ABI1: variants seen among roughly 807,000 people sequenced by gnomAD.
ABI1 encodes the protein abl interactor 1.
Under a neutral mutation model 54.6 loss-of-function variants are expected in ABI1, and 14 were observed. The observed-to-expected ratio is 0.26, with a 90% CI of 0.17 to 0.40. The LOEUF (loss-of-function observed/expected upper bound fraction) is 0.40. Among genes scored for constraint, ABI1 ranks in the 10% least tolerant of loss-of-function variants. The pLI is 1.00. For missense variants in ABI1, 443 were observed against 598.3 expected, an observed-to-expected ratio of 0.74 and a Z score of 2.71; for synonymous variants, 194 against 209.3, an observed-to-expected ratio of 0.93 and a Z score of 0.63.
At chr10:26,821,426 A>G (rs982655720) in intron 2 of ABI1, among the ~76,000 whole-genome samples, 12 of 152,110 alleles carry the variant, frequency 7.9e-5, no homozygotes, top group African/African-American at 2.9e-4. Flanking sequence ...GATTAGTTTA[A>G]AAAAGAAAGA....
intron 2 of ABI1, among the ~76,000 whole-genome samples, chr10:26,784,186 C>T (rs1335372463): frequency 2.6e-5 from 4 of 152,220 alleles, no homozygotes; most frequent in Admixed American, 2.6e-4. Flanking sequence ...CCCTACCCCA[C>T]CACACAACTT....
chr10:26,783,888 G>A (rs1842427583), intron 2 of ABI1, among the ~76,000 whole-genome samples: 1 of 152,062 alleles, frequency 6.6e-6, no homozygotes, highest in Non-Finnish European at 1.5e-5. Flanking sequence ...TTAATAAAAG[G>A]GCCCTTTGTC....
chr10:26,772,528 T>C (rs1355412265), intron 3 of ABI1, among the ~76,000 whole-genome samples: 4 of 152,106 alleles, frequency 2.6e-5, no homozygotes, highest in African/African-American at 7.2e-5. Context: ...AAGAATTAGA[T>C]TGGGAATGAA....
chr10:26,811,558 AAC>A (rs2047228997), intron 2 of ABI1, among the ~76,000 whole-genome samples: 1 of 152,232 alleles, frequency 6.6e-6, no homozygotes, highest in Non-Finnish European at 1.5e-5. Context: ...TCAGTCTTAA[AAC>A]AGTAAAGCTG....
intron 1 of ABI1, among the ~76,000 whole-genome samples, chr10:26,834,091 G>A (rs947719959): frequency 5.3e-5 from 8 of 152,030 alleles, no homozygotes; most frequent in East Asian, 1.9e-4. Flanking sequence ...TTAGCCGGGC[G>A]TGGTGGTACA....
rs189301131 is a variant in ABI1 at position 26,817,810 on chromosome 10, C to T, written c.285+5328G>A. Among the ~76,000 whole-genome samples the T allele has an allele frequency of 2.1e-4, 32 of 152,228 alleles. 1 individual carries two copies. In the East Asian group the frequency reaches 5.8e-3, roughly 28 times the overall value. Reference sequence around the variant, plus strand: ...TCATCACCAGCAGAATAGAGCAACACTTCATGCTAAAGTATTCCAAGGGAA... The same window carrying T: ...TCATCACCAGCAGAATAGAGCAACATTTCATGCTAAAGTATTCCAAGGGAA... On this transcript the variant is annotated intron_variant, in intron 2 of 10. Transcript: ENST00000376140.
intron 1 of ABI1, among the ~76,000 whole-genome samples, chr10:26,852,110 T>C (rs560610405): frequency 6.6e-5 from 10 of 152,024 alleles, no homozygotes; most frequent in Non-Finnish European, 8.8e-5. Context: ...CTGGGGAACA[T>C]AGGAGACCCC....
intron 2 of ABI1, among the ~76,000 whole-genome samples, chr10:26,790,388 T>C (rs942885764): frequency 1.3e-5 from 2 of 152,212 alleles, no homozygotes; most frequent in African/African-American, 4.8e-5. Flanking sequence ...TGGTCAGTGA[T>C]GTTGAATTTT....
intron 2 of ABI1, among the ~76,000 whole-genome samples, chr10:26,793,748 T>C (rs1406568506): frequency 3.3e-5 from 5 of 152,232 alleles, no homozygotes; most frequent in Admixed American, 3.3e-4. Context: ...AATAGAACAT[T>C]AGATCACAGT....
intron 3 of ABI1, 94 bp downstream of exon 3, chr10:26,776,965 TAAAGAG>T (rs1247013260): frequency 9.0e-7 from 1 of 1,113,678 alleles, no homozygotes; most frequent in Non-Finnish European, 1.3e-6. Context: ...TGCCAGCTGC[TAAAGAG>T]AATCTATTAA....
chr10:26,842,424 T>C (rs1303249509), intron 1 of ABI1, among the ~76,000 whole-genome samples: 1 of 152,246 alleles, frequency 6.6e-6, no homozygotes, highest in Non-Finnish European at 1.5e-5. Flanking sequence ...AGCTTTTCAG[T>C]TTGACGTCAT....
At chr10:26,757,860 G>A (rs1564457719) in intron 8 of ABI1, among the ~76,000 whole-genome samples, 1 of 151,988 alleles carries the variant, frequency 6.6e-6, no homozygotes, top group Non-Finnish European at 1.5e-5. Flanking sequence ...CTGAGATCAG[G>A]AGTTCGAGAC....
chr10:26,811,778 A>G (rs921401488), intron 2 of ABI1, among the ~76,000 whole-genome samples: 1 of 137,198 alleles, frequency 7.3e-6, no homozygotes, highest in African/African-American at 2.5e-5. Flanking sequence ...AATTTGTATA[A>G]ATTTATGCAA....
intron 1 of ABI1, among the ~76,000 whole-genome samples, chr10:26,849,837 A>T (rs139516369): frequency 5.4e-4 from 83 of 152,354 alleles, no homozygotes; most frequent in African/African-American, 2.0e-3. Flanking sequence ...TTGTATAATG[A>T]AATGTGTCAA....
intron 8 of ABI1, among the ~76,000 whole-genome samples, chr10:26,757,941 G>A (rs556807486): frequency 8.4e-4 from 127 of 151,618 alleles, no homozygotes; most frequent in African/African-American, 2.8e-3. Context: ...AGTGGCAGGC[G>A]CCTGTAATCC....
intron 1 of ABI1, among the ~76,000 whole-genome samples, chr10:26,835,519 A>G (rs10829081): frequency 0.26 from 39,787 of 151,750 alleles, 6,010 homozygotes; most frequent in South Asian, 0.44. Context: ...AGGCTGCAGT[A>G]AGCCATGATC....
chr10:26,822,800 C>CA (rs1406469538), intron 2 of ABI1, among the ~76,000 whole-genome samples: 6 of 151,950 alleles, frequency 3.9e-5, no homozygotes, highest in African/African-American at 1.4e-4. Context: ...ACATGTGTGT[C>CA]AAAACTTATA....
At chr10:26,783,920 A>G (rs1842433186) in intron 2 of ABI1, among the ~76,000 whole-genome samples, 1 of 152,130 alleles carries the variant, frequency 6.6e-6, no homozygotes, top group African/African-American at 2.4e-5. Flanking sequence ...TGGCCCTTCC[A>G]GACAAAAGGT....
chr10:26,850,820 G>A (rs997553377), intron 1 of ABI1, among the ~76,000 whole-genome samples: 7 of 152,090 alleles, frequency 4.6e-5, no homozygotes, highest in Non-Finnish European at 7.3e-5. Flanking sequence ...TAGGTTATTA[G>A]ATATATGAAT....
Sources: gnomAD v4.1 joint callset for allele counts (sites outside exome capture counted in the v4.1 genomes callset) on GRCh38, gnomAD v4.1.1 for gene constraint, MANE v1.5 for transcripts, NCBI Gene and HGNC (gene_info 2026-07-23, HGNC 2026-07-21) for gene names.